Variants in CCDC40 observed in about 807,000 individuals in gnomAD.
CCDC40 encodes the protein coiled-coil domain 40 molecular ruler complex subunit.
In CCDC40, 104 loss-of-function variants were observed where a neutral mutation model predicts 124.5. The observed-to-expected ratio is 0.84, with a 90% confidence interval of 0.71 to 0.98. The LOEUF (loss-of-function observed/expected upper bound fraction) is 0.98. Ranked by LOEUF, CCDC40 falls within the 50% of genes least tolerant of loss-of-function variation. CCDC40 has a pLI of 0.00. For missense variants in CCDC40, 1,463 were observed against 1,503.9 expected (o/e 0.97, Z 0.45); for synonymous variants, 580 against 602.9 (o/e 0.96, Z 0.56).
At chr17:80,095,491 T>C in intron 18 of CCDC40, 40 bp downstream of exon 18, 1 of 1,590,626 alleles carries the variant, frequency 6.3e-7, no homozygotes, top group African/African-American at 1.3e-5. Context: ...CCTGCTCCTC[T>C]CTCTGGGATT....
chr17:80,063,072 A>G (rs186950683), intron 9 of CCDC40, among the ~76,000 whole-genome samples: 106 of 152,228 alleles, frequency 7.0e-4, no homozygotes, highest in South Asian at 1.5e-3. Flanking sequence ...GCGAGTGCCT[A>G]TAATCGCAGC....
chr17:80,095,244 CCT>C lies in CCDC40; in HGVS notation c.2833-16_2833-15del, dbSNP rs752038208. 1.4e-5 allele frequency: 23 copies of C among 1,612,962 alleles called. No individual in the cohort carries two copies. The highest frequency in any genetic ancestry group is 2.0e-5 in the Non-Finnish European group (23 of 1,179,474). Reference sequence around the variant, plus strand: ...GCTCAGGCCTGCCCCAGCCCCAGCCCCTCTGTCCTGTCTCCCAGGTCAGGCTC... The same window carrying C: ...GCTCAGGCCTGCCCCAGCCCCAGCCCCTGTCCTGTCTCCCAGGTCAGGCTC... On this transcript the variant is annotated splice_polypyrimidine_tract_variant and intron_variant, in intron 17 of 19. Transcript: ENST00000397545.
At chr17:80,082,637 G>C (rs2038481928) in intron 12 of CCDC40, among the ~76,000 whole-genome samples, 1 of 152,096 alleles carries the variant, frequency 6.6e-6, no homozygotes, top group Non-Finnish European at 1.5e-5. Context: ...CCGATGCCAA[G>C]CTCTGCCGGT....
chr17:80,066,290 G>T lies in CCDC40; in HGVS notation c.1562+684G>T. 1.6e-6 allele frequency: 1 copy of T among 643,088 alleles called. No individual in the cohort carries two copies. The highest frequency in any genetic ancestry group is 2.8e-6 in the Non-Finnish European group (1 of 351,962). 39.8% of individuals were successfully genotyped at this position (643,088 alleles called of 1,614,324 possible). Reference sequence around the variant, plus strand: ...AGCGCTCAAGAAAGGCTGGACCAAGGAATGAGGGTCTGGCTGGCCCCACAG... The same window carrying T: ...AGCGCTCAAGAAAGGCTGGACCAAGTAATGAGGGTCTGGCTGGCCCCACAG... On this transcript the variant is annotated intron_variant, in intron 10 of 19. Transcript: ENST00000397545. The surrounding 1 kb of genome is among the most constrained non-coding windows in gnomAD (Gnocchi z 4.4).
intron 10 of CCDC40, among the ~76,000 whole-genome samples, chr17:80,072,244 T>A (rs2038209972): frequency 6.6e-6 from 1 of 152,206 alleles, no homozygotes; most frequent in African/African-American, 2.4e-5. Flanking sequence ...CCTGCTGATC[T>A]ACGGAGTTTT....
intron 13 of CCDC40, among the ~76,000 whole-genome samples, 181 bp from the exon 14 acceptor site, chr17:80,085,822 A>ATG: frequency 6.6e-6 from 1 of 151,960 alleles, no homozygotes; most frequent in Non-Finnish European, 1.5e-5. Context: ...GGTGTGCACC[A>ATG]GCACACCTGG....
chr17:80,090,212 C>G, intron 17 of CCDC40: 11 of 731,684 alleles, frequency 1.5e-5, no homozygotes, highest in South Asian at 4.7e-5. Context: ...GGCACGTGCA[C>G]GAAGAACACG....
intron 9 of CCDC40, 79 bp from the exon 10 acceptor site, chr17:80,065,406 G>A (rs1279847748): frequency 6.3e-7 from 1 of 1,582,624 alleles, no homozygotes; most frequent in East Asian, 2.2e-5. Flanking sequence ...ATTTGGGAAT[G>A]TGAGGCTCTG....
chr17:80,087,520 C>A lies in CCDC40; in HGVS notation c.2450-87C>A. 2 of 1,070,932 alleles carry A rather than the reference C, an allele frequency of 1.9e-6. No individual in the cohort carries two copies. The highest frequency in any genetic ancestry group is 1.3e-5 in the South Asian group (1 of 76,584). The allele number at this position is 1,070,932 out of a possible 1,614,324, so 66.3% of individuals were successfully genotyped here. A position where few individuals can be genotyped will look rare whatever the true frequency, so the allele number is the denominator to read the frequency against. On this transcript the variant is annotated intron_variant, in intron 14 of 19. Transcript: ENST00000397545. The surrounding 1 kb of genome is among the most constrained non-coding windows in gnomAD (Gnocchi z 4.5). ...AGGGAGCTACAGGGAGAGACAAAAC[C>A]TGGCTCACCTCTCGGACACTGCTGC...
rs774160728 is a variant in CCDC40, at chr17:80,099,655, ACTGGCT to A, written c.3312_3317del (p.Ala1105_Leu1106del). On this transcript the variant is annotated inframe_deletion, in exon 20 of 20. Transcript: ENST00000397545. ...TGGAGCGCCAGCGCCTGGACAAGCG[ACTGGCT>A]CTCATCGCCACCATCCTGGACCGCG... The A allele has an allele frequency of 6.2e-7, 1 of 1,613,906 alleles. No individual in the cohort carries two copies. Among genetic ancestry groups the A allele is most frequent in the Admixed American group, 1.7e-5 (1 of 60,028 alleles).
rs1051138932 is a variant in CCDC40, at chr17:80,048,618, G to A, written c.712G>A (p.Glu238Lys). Residue 238 changes from glutamate to lysine, a missense_variant, in exon 5 of 20, where the codon GAA becomes AAA. Glu to Lys is a moderately conservative substitution (Grantham distance 56). Transcript: ENST00000397545. Reference sequence around the variant, plus strand: ...AGGGGTGCCCGATGCCCACCCCAGGGAAGGAGACCTGCCAGTGTTCCAGGA... The same window carrying A: ...AGGGGTGCCCGATGCCCACCCCAGGAAAGGAGACCTGCCAGTGTTCCAGGA... Reference protein sequence around the residue: ...PPGVPDAHPREGDLPVFQDQI... With the variant: ...PPGVPDAHPRKGDLPVFQDQI... 2 of 1,613,862 alleles carry A rather than the reference G, an allele frequency of 1.2e-6. No homozygotes were observed. Among genetic ancestry groups the A allele is most frequent in the African/African-American group, 2.7e-5 (2 of 74,912 alleles).
At chr17:80,047,877 G>T (rs1261474485) in intron 4 of CCDC40, among the ~76,000 whole-genome samples, 1 of 152,166 alleles carries the variant, frequency 6.6e-6, no homozygotes, top group South Asian at 2.1e-4. Context: ...GACGTGGGAG[G>T]GCAGATCAGG....
At chr17:80,047,767 G>A (rs1434152104) in intron 4 of CCDC40, among the ~76,000 whole-genome samples, 6 of 152,078 alleles carry the variant, frequency 3.9e-5, no homozygotes, top group Non-Finnish European at 5.9e-5. Context: ...AGAGCGAGAC[G>A]TGCCGTGACA....
intron 1 of CCDC40, among the ~76,000 whole-genome samples, chr17:80,037,688 A>AAAAAAAATATATATATATATATATAT: frequency 2.2e-5 from 1 of 45,676 alleles, no homozygotes; most frequent in African/African-American, 5.9e-5. Flanking sequence ...TTTTTTAAAA[A>AAAAAAAATATATATATATATATATAT]AGATATACAT....
intron 10 of CCDC40, among the ~76,000 whole-genome samples, chr17:80,069,808 GAA>G (rs869251411): frequency 3.4e-5 from 5 of 147,528 alleles, no homozygotes; most frequent in Non-Finnish European, 5.9e-5. Context: ...GAGAGAGAGA[GAA>G]AAAAAGAAAG....
chr17:80,053,875 A>G (rs2037669499), intron 7 of CCDC40, among the ~76,000 whole-genome samples: 1 of 152,120 alleles, frequency 6.6e-6, no homozygotes, highest in Admixed American at 6.6e-5. Flanking sequence ...TCTAAGGGAG[A>G]AGGATGGTTA....
chr17:80,090,392 G>C (rs767219473), intron 17 of CCDC40: 1 of 802,204 alleles, frequency 1.2e-6, no homozygotes, highest in South Asian at 2.0e-5. Flanking sequence ...CACACAGCAC[G>C]TGCATGAACA....
intron 9 of CCDC40, among the ~76,000 whole-genome samples, chr17:80,060,706 G>A (rs890179736): frequency 6.6e-5 from 10 of 151,944 alleles, no homozygotes; most frequent in Admixed American, 5.3e-4. Flanking sequence ...AAACAAAACC[G>A]TAAAGTTCTA....
At chr17:80,057,103 T>C (rs973810217) in intron 7 of CCDC40, among the ~76,000 whole-genome samples, 2 of 151,932 alleles carry the variant, frequency 1.3e-5, no homozygotes, top group African/African-American at 4.8e-5. Flanking sequence ...CTTTGGAATT[T>C]AGCTACTGCA....
Sources: allele counts gnomAD v4.1 joint callset (sites outside exome capture counted in the v4.1 genomes callset), GRCh38; gene constraint gnomAD v4.1.1; non-coding constraint Gnocchi (gnomAD v3.1); transcripts MANE v1.5; gene names NCBI Gene and HGNC (gene_info 2026-07-23, HGNC 2026-07-21).